PCDHGA10: variants seen among roughly 807,000 people sequenced by gnomAD.
The protein encoded by PCDHGA10 is protocadherin gamma subfamily A, 10, also known as protocadherin gamma-A10.
Under a neutral mutation model 59.5 loss-of-function variants are expected in PCDHGA10, and 42 were observed. That is an observed-to-expected ratio of 0.71 (90% CI 0.55 to 0.91). The LOEUF (loss-of-function observed/expected upper bound fraction) is 0.91, where lower values mean the gene tolerates loss of function less well. Ranked by LOEUF, PCDHGA10 falls within the 40% of genes least tolerant of loss-of-function variation. PCDHGA10 has a pLI of 0.00. For missense variants in PCDHGA10, 1,111 were observed against 1,198.2 expected, an observed-to-expected ratio of 0.93 and a Z score of 1.07; for synonymous variants, 511 against 517.2, an observed-to-expected ratio of 0.99 and a Z score of 0.16.
intron 1 of PCDHGA10, chr5:141,492,070 GCCGGCT>G (rs1329848558): frequency 2.1e-6 from 1 of 477,826 alleles, no homozygotes; most frequent in Non-Finnish European, 3.7e-6. Context: ...CCTCCTAGGC[GCCGGCT>G]CCGGCACGCT....
chr5:141,497,502 T>C (rs1216218103), intron 2 of PCDHGA10, among the ~76,000 whole-genome samples: 1 of 151,628 alleles, frequency 6.6e-6, no homozygotes, highest in East Asian at 1.9e-4. Flanking sequence ...CTCTCCTCTC[T>C]CTGCTTCCTT....
intron 1 of PCDHGA10, among the ~76,000 whole-genome samples, chr5:141,472,913 G>A (rs1049221725): frequency 2.0e-5 from 3 of 147,764 alleles, no homozygotes; most frequent in African/African-American, 2.5e-5. Context: ...TTGAACCCAA[G>A]AGGAGGAGGT....
At chr5:141,465,747 A>G (rs2099108470) in intron 1 of PCDHGA10, among the ~76,000 whole-genome samples, 2 of 151,126 alleles carry the variant, frequency 1.3e-5, no homozygotes, top group African/African-American at 4.9e-5. Flanking sequence ...TCAGGATCAG[A>G]CTGGTAAAGT....
chr5:141,485,497 T>C lies in PCDHGA10; in HGVS notation c.2437-9310T>C, dbSNP rs1594488328. On this transcript the variant is annotated intron_variant, in intron 1 of 3. Coordinates refer to ENST00000398610, the MANE Select transcript of PCDHGA10 (RefSeq NM_018913.3). The surrounding 1 kb of genome is among the most constrained non-coding windows in gnomAD (Gnocchi z 5.7). ...CCAGCTGCATCGTGCCCCTGGAGTT[T>C]GTCACCGAAGGTCCTTTGGAAATGT... 6.2e-7 allele frequency: 1 copy of C among 1,614,112 alleles called. No homozygotes were observed. The highest frequency in any genetic ancestry group is 1.3e-5 in the African/African-American group (1 of 74,998).
chr5:141,423,185 C>T (rs996177363), intron 1 of PCDHGA10: 7 of 1,613,492 alleles, frequency 4.3e-6, no homozygotes, highest in Non-Finnish European at 5.9e-6. Context: ...CACGGCCAGC[C>T]CCCTCTCTCG....
At position 141,476,247 on chromosome 5, in the gene PCDHGA10, G is replaced by C. The variant is rs1439421662; in HGVS notation, c.2437-18560G>C. 1 of 1,614,042 alleles carries C rather than the reference G, an allele frequency of 6.2e-7. No individual in the cohort carries two copies. Among genetic ancestry groups the C allele is most frequent in the Non-Finnish European group, 8.5e-7 (1 of 1,180,010 alleles). ...GAGATCCCGGAGGAAAGAGAGAAGG[G>C]TTTCGCTGTGGGCAACGTGGTCGCG... On this transcript the variant is annotated intron_variant, in intron 1 of 3. Coordinates refer to ENST00000398610, the MANE Select transcript of PCDHGA10 (RefSeq NM_018913.3). The surrounding 1 kb of genome is among the most constrained non-coding windows in gnomAD (Gnocchi z 7.6).
chr5:141,418,018 T>C, intron 1 of PCDHGA10: 1 of 1,613,868 alleles, frequency 6.2e-7, no homozygotes, highest in Non-Finnish European at 8.5e-7. Flanking sequence ...TCGCTAAGGA[T>C]CTAGGGCTTA....
Position 141,432,647 on chromosome 5 carries a change from C to G in PCDHGA10, c.2436+17036C>G, listed in dbSNP as rs747789886. The G allele has an allele frequency of 1.7e-5, 28 of 1,613,678 alleles. No individual in the cohort carries two copies. In the Admixed American group the frequency reaches 4.5e-4, roughly 26 times the overall value. ...GCACACGGGCGAGGTGCGCACGGCG[C>G]GAGCCCTGCTGGACAGAGACGCGCT... On this transcript the variant is annotated intron_variant, in intron 1 of 3. Coordinates refer to ENST00000398610, the MANE Select transcript of PCDHGA10 (RefSeq NM_018913.3). This position sits in a 1 kb window ranked among gnomAD's most constrained non-coding sequence, Gnocchi z 6.0.
intron 1 of PCDHGA10, among the ~76,000 whole-genome samples, chr5:141,426,065 G>C (rs1214623774): frequency 1.3e-5 from 2 of 152,184 alleles, no homozygotes; most frequent in East Asian, 3.8e-4. Flanking sequence ...GCAAGAACTG[G>C]AGCCTGGGAT....
Position 141,423,542 on chromosome 5 carries a change from C to T in PCDHGA10, c.2436+7931C>T, listed in dbSNP as rs755766737. 4.3e-6 allele frequency: 7 copies of T among 1,613,616 alleles called. No individual in the cohort carries two copies. The African/African-American group carries it at 6.7e-5, about 15-fold the overall frequency. The stretch of plus-strand genomic sequence containing the variant: ...TCGCAGAAGAGTCACCTGATTTTCC[C>T]CCAGCCCAACTATGGGGACACGCTC... On this transcript the variant is annotated intron_variant, in intron 1 of 3. Transcript: ENST00000398610.
chr5:141,492,220 C>T (rs1388948434), intron 1 of PCDHGA10, among the ~76,000 whole-genome samples: 2 of 152,190 alleles, frequency 1.3e-5, no homozygotes, highest in Non-Finnish European at 1.5e-5. Context: ...GGGGCTCATG[C>T]GTGTCCTCCC....
At position 141,460,491 on chromosome 5, in the gene PCDHGA10, A is replaced by G. The variant is rs544539917; in HGVS notation, c.2437-34316A>G. Among the ~76,000 whole-genome samples, 240 of 152,272 alleles carry G rather than the reference A, an allele frequency of 1.6e-3. 1 individual carries two copies. Among genetic ancestry groups the G allele is most frequent in the Non-Finnish European group, 2.6e-3 (177 of 68,014 alleles). On this transcript the variant is annotated intron_variant, in intron 1 of 3. Transcript: ENST00000398610. ...AAGGAATATCCAATTGTCTCTTTGG[A>G]AAAATATGCTGAGAAGGCTATCTTT...
chr5:141,421,885 G>A (rs2096608692), intron 1 of PCDHGA10: 1 of 1,613,574 alleles, frequency 6.2e-7, no homozygotes, highest in African/African-American at 1.3e-5. Context: ...AGATGGAGGC[G>A]ATCCCATCCG....
intron 2 of PCDHGA10, among the ~76,000 whole-genome samples, chr5:141,501,015 C>T (rs950216755): frequency 6.6e-5 from 10 of 151,866 alleles, no homozygotes; most frequent in African/African-American, 2.4e-4. Context: ...ACTACAGGCA[C>T]GCGCCACCAC....
chr5:141,469,881 G>A (rs922510082), intron 1 of PCDHGA10, among the ~76,000 whole-genome samples: 11 of 152,056 alleles, frequency 7.2e-5, no homozygotes, highest in Admixed American at 3.3e-4. Context: ...CTGTAATCTC[G>A]GCACTTTGGG....
Position 141,431,615 on chromosome 5 carries a change from G to A in PCDHGA10, c.2436+16004G>A. 1.2e-6 allele frequency: 2 copies of A among 1,614,236 alleles called. No homozygotes were observed. Among genetic ancestry groups the A allele is most frequent in the Non-Finnish European group, 1.7e-6 (2 of 1,180,042 alleles). ...GAGGTATTCCTTCCGGTATGTGGACGACAAGGCGGCCCAAGTTTTCAAACT... is the reference window on the plus strand; with the variant it reads ...GAGGTATTCCTTCCGGTATGTGGACAACAAGGCGGCCCAAGTTTTCAAACT... On this transcript the variant is annotated intron_variant, in intron 1 of 3. Coordinates refer to ENST00000398610, the MANE Select transcript of PCDHGA10 (RefSeq NM_018913.3). The surrounding 1 kb of genome is among the most constrained non-coding windows in gnomAD (Gnocchi z 4.8).
intron 1 of PCDHGA10, among the ~76,000 whole-genome samples, chr5:141,460,124 A>AAT (rs2098982741): frequency 6.6e-6 from 1 of 152,052 alleles, no homozygotes; most frequent in African/African-American, 2.4e-5. Context: ...TTATATATGT[A>AAT]ATATATATAT....
intron 1 of PCDHGA10, chr5:141,423,486 C>G: frequency 6.2e-7 from 1 of 1,613,952 alleles, no homozygotes; most frequent in Non-Finnish European, 8.5e-7. Context: ...TCCTGCAAAC[C>G]TATTCCCACG....
At chr5:141,495,710 G>C (rs2099763133) in intron 2 of PCDHGA10, among the ~76,000 whole-genome samples, 1 of 152,148 alleles carries the variant, frequency 6.6e-6, no homozygotes, top group Non-Finnish European at 1.5e-5. Flanking sequence ...TGTGGAGTGA[G>C]TAACTACACG....
Sources: gnomAD v4.1 joint callset for allele counts (sites outside exome capture counted in the v4.1 genomes callset) on GRCh38, gnomAD v4.1.1 for gene constraint, Gnocchi (gnomAD v3.1) non-coding constraint, MANE v1.5 for transcripts, NCBI Gene and HGNC (gene_info 2026-07-23, HGNC 2026-07-21) for gene names.